Variants in EFCAB6 observed in about 807,000 individuals in gnomAD.
EFCAB6 encodes EF-hand calcium binding domain 6, also known as EF-hand calcium-binding domain-containing protein 6.
A neutral mutation model predicts 169.8 loss-of-function variants in EFCAB6; 156 were observed. The ratio of observed to expected loss-of-function variants is 0.92; its 90% confidence interval spans 0.81 to 1.05. The LOEUF is 1.05. Ranked by LOEUF, EFCAB6 falls within the 50% of genes least tolerant of loss-of-function variation. The pLI is 0.00. For synonymous variants in EFCAB6, 698 were observed against 676.4 expected (o/e 1.03, Z -0.50); for missense variants, 1,800 against 1,829.1 (o/e 0.98, Z 0.29).
intron 4 of EFCAB6, among the ~76,000 whole-genome samples, chr22:43,772,690 G>C (rs1046590072): frequency 1.9e-4 from 29 of 151,736 alleles, no homozygotes; most frequent in Non-Finnish European, 3.2e-4. Flanking sequence ...ACTGGCTGGA[G>C]CAGCGCTACA....
Position 43,620,096 on chromosome 22 carries a change from T to C in EFCAB6, c.2466-4174A>G, listed in dbSNP as rs190622994. Among the ~76,000 whole-genome samples, 17 of 152,260 alleles carry C rather than the reference T, an allele frequency of 1.1e-4. No homozygotes were observed. In the East Asian group the frequency reaches 1.5e-3, roughly 14 times the overall value. On this transcript the variant is annotated intron_variant, in intron 20 of 31. Transcript: ENST00000262726. Reference sequence around the variant, plus strand: ...CCTTTGGGAGGCTGAGATGGGAGGATTGCTTGAACTCAGGAGTTCGAGACC... The same window carrying C: ...CCTTTGGGAGGCTGAGATGGGAGGACTGCTTGAACTCAGGAGTTCGAGACC...
At chr22:43,563,796 C>T (rs1443112984) in intron 26 of EFCAB6, among the ~76,000 whole-genome samples, 1 of 152,210 alleles carries the variant, frequency 6.6e-6, no homozygotes, top group African/African-American at 2.4e-5. Context: ...CCCATTACTG[C>T]CTGCAGCTCA....
intron 19 of EFCAB6, among the ~76,000 whole-genome samples, chr22:43,630,732 C>T (rs1002006894): frequency 2.0e-5 from 3 of 152,198 alleles, no homozygotes; most frequent in African/African-American, 7.2e-5. Flanking sequence ...CCCAGCTCGG[C>T]TCTCCTTTGG....
chr22:43,538,392 T>C (rs1351565910), intron 28 of EFCAB6, among the ~76,000 whole-genome samples: 1 of 151,894 alleles, frequency 6.6e-6, no homozygotes, highest in Non-Finnish European at 1.5e-5. Flanking sequence ...TGTTTTTTTG[T>C]TTTTTTTTTT....
At chr22:43,707,450 T>G (rs1213187114) in intron 10 of EFCAB6, among the ~76,000 whole-genome samples, 1 of 151,976 alleles carries the variant, frequency 6.6e-6, no homozygotes, top group Non-Finnish European at 1.5e-5. Flanking sequence ...GTGGGAAGGT[T>G]AAATAGACAT....
rs538878091 is a variant in EFCAB6, at chr22:43,563,021, T to C, written c.3421-7925A>G. 2.6e-4 allele frequency among the ~76,000 whole-genome samples: 40 copies of C among 152,242 alleles called. No homozygotes were observed. The South Asian group carries it at 8.3e-3, about 32-fold the overall frequency. On this transcript the variant is annotated intron_variant, in intron 26 of 31. Transcript: ENST00000262726. ...CCTTCAGGGAGGCACAGTGCTGGGA[T>C]TCCCAGCCCAGGTCCTGGCCTGCGG...
At position 43,540,505 on chromosome 22, in the gene EFCAB6, C is replaced by T. The variant is rs764609525; in HGVS notation, c.3649-148G>A. ...AGAAGAAAATTAAAAAAATAAAACG[C>T]CCATTTGGCCTTCGCTCGGCGGAGG... On this transcript the variant is annotated intron_variant, in intron 27 of 31. Coordinates refer to ENST00000262726, the MANE Select transcript of EFCAB6 (RefSeq NM_022785.4). The T allele has an allele frequency of 4.6e-6, 7 of 1,534,912 alleles. No individual in the cohort carries two copies. The African/African-American group carries it at 5.5e-5, about 12-fold the overall frequency.
At chr22:43,574,590 TA>T (rs2050111402) in intron 26 of EFCAB6, among the ~76,000 whole-genome samples, 1 of 151,922 alleles carries the variant, frequency 6.6e-6, no homozygotes, top group African/African-American at 2.4e-5. Context: ...TTTTTACGTA[TA>T]TTTTTTGCAT....
intron 19 of EFCAB6, among the ~76,000 whole-genome samples, chr22:43,627,675 C>T (rs748368608): frequency 1.3e-4 from 20 of 152,166 alleles, no homozygotes; most frequent in African/African-American, 4.3e-4. Context: ...CAACCCGCCT[C>T]GTTCCATCGG....
intron 22 of EFCAB6, among the ~76,000 whole-genome samples, chr22:43,604,218 G>A (rs2052747440): frequency 6.6e-6 from 1 of 152,100 alleles, no homozygotes. Context: ...CTTTATAGCA[G>A]CACGAGAATA....
At chr22:43,755,437 CT>C (rs2147859598) in intron 6 of EFCAB6, among the ~76,000 whole-genome samples, 1 of 152,360 alleles carries the variant, frequency 6.6e-6, no homozygotes, top group South Asian at 2.1e-4. Flanking sequence ...GTCGTTTTCC[CT>C]TTCTAAAGAA....
intron 17 of EFCAB6, among the ~76,000 whole-genome samples, chr22:43,636,286 G>A (rs2055389947): frequency 6.6e-6 from 1 of 152,186 alleles, no homozygotes; most frequent in African/African-American, 2.4e-5. Context: ...CCAGGTGGTG[G>A]AGCAGTGCAG....
Position 43,632,214 on chromosome 22 carries a change from G to A in EFCAB6, c.2123C>T (p.Thr708Ile). The change falls in exon 19 of 32, where the codon ACC becomes ATC. Residue 708 changes from threonine (T) to isoleucine (I), a missense_variant. Thr to Ile is a moderately conservative substitution (Grantham distance 89). Coordinates refer to ENST00000262726, the MANE Select transcript of EFCAB6 (RefSeq NM_022785.4). ...FEDPPMRGPE[T>I]TPPQPPTPSK... is the part of the protein sequence containing the mutation. ...AGGAGTTGGAGGCTGCGGCGGAGTG[G>A]TTTCCGGCCCTCTCATTGGAGGATC... The A allele has an allele frequency of 6.2e-7, 1 of 1,613,516 alleles. No individual in the cohort carries two copies. Among genetic ancestry groups the A allele is most frequent in the Non-Finnish European group, 8.5e-7 (1 of 1,179,792 alleles).
At chr22:43,701,001 A>C (rs2058746708) in intron 10 of EFCAB6, among the ~76,000 whole-genome samples, 3 of 152,238 alleles carry the variant, frequency 2.0e-5, no homozygotes, top group African/African-American at 7.2e-5. Flanking sequence ...ATAAAAGATA[A>C]ATAAAAGAGT....
At chr22:43,642,481 C>T (rs927711904) in intron 17 of EFCAB6, among the ~76,000 whole-genome samples, 1 of 152,030 alleles carries the variant, frequency 6.6e-6, no homozygotes, top group Non-Finnish European at 1.5e-5. Context: ...CATCTTCCAG[C>T]TCCTCCCCCA....
intron 2 of EFCAB6, among the ~76,000 whole-genome samples, chr22:43,786,278 G>C (rs140268287): frequency 1.5e-4 from 23 of 152,082 alleles, no homozygotes; most frequent in African/African-American, 5.5e-4. Flanking sequence ...CAGAAGAATC[G>C]CTTGAACTTG....
At chr22:43,782,092 A>G (rs1894631) in intron 3 of EFCAB6, 88 bp downstream of exon 3, 1,155,939 of 1,314,082 alleles carry the variant, frequency 0.88, 509,217 homozygotes, top group East Asian at 0.99. Context: ...TAAATGTCAT[A>G]TGAGTCCTTT....
chr22:43,566,490 G>A (rs1236728939), intron 26 of EFCAB6, among the ~76,000 whole-genome samples: 2 of 152,174 alleles, frequency 1.3e-5, no homozygotes, highest in Non-Finnish European at 1.5e-5. Flanking sequence ...GCACTGAGCT[G>A]GGGAACAGGG....
chr22:43,637,556 C>T (rs954625126), intron 17 of EFCAB6, among the ~76,000 whole-genome samples: 1 of 152,174 alleles, frequency 6.6e-6, no homozygotes, highest in Non-Finnish European at 1.5e-5. Context: ...TGGCTAGTGC[C>T]GGGCCAGCAG....
Sources: gnomAD v4.1 joint callset for allele counts (sites outside exome capture counted in the v4.1 genomes callset) on GRCh38, gnomAD v4.1.1 for gene constraint, MANE v1.5 for transcripts, NCBI Gene and HGNC (gene_info 2026-07-23, HGNC 2026-07-21) for gene names.